The following EHMT2 variants were observed in gnomAD, a reference collection of about 807,000 sequenced individuals.
EHMT2 encodes euchromatic histone lysine methyltransferase 2.
Under a neutral mutation model 143.3 loss-of-function variants are expected in EHMT2, and 59 were observed. The observed-to-expected ratio is 0.41, with a 90% confidence interval of 0.33 to 0.51. EHMT2 has a LOEUF of 0.51. Among genes scored for constraint, EHMT2 ranks in the 20% least tolerant of loss-of-function variants. The pLI, the probability that EHMT2 is intolerant of heterozygous loss-of-function variation, is 0.18. For synonymous variants in EHMT2, 604 were observed against 651.5 expected (o/e 0.93, Z 1.11); for missense variants, 1,174 against 1,645.9 (o/e 0.71, Z 4.96).
chr6:31,884,168 A>G lies in EHMT2; in HGVS notation c.2772-218T>C, dbSNP rs577224260. ...ATTACACAGGACATTCTCACACTAA[A>G]AAAGTATGCATCTGTGCATCTGAAA... On this transcript the variant is annotated intron_variant, in intron 21 of 27. Transcript: ENST00000375537. This position sits in a 1 kb window ranked among gnomAD's most constrained non-coding sequence, Gnocchi z 7.3. 1.7e-5 allele frequency: 12 copies of G among 702,098 alleles called. No individual in the cohort carries two copies. Among genetic ancestry groups the G allele is most frequent in the Admixed American group, 3.0e-5 (1 of 33,840 alleles). 43.5% of individuals were successfully genotyped at this position (702,098 alleles called of 1,614,324 possible).
rs931048532 is a variant in EHMT2, at chr6:31,889,880, T to C, written c.865-278A>G. ...GTACCAGAAGATAAACATACTTTGA[T>C]ACCCCTTTTATGATGTTCATAAACA... On this transcript the variant is annotated intron_variant, in intron 7 of 27. Coordinates refer to ENST00000375537, the Ensembl canonical transcript of EHMT2. The surrounding 1 kb of genome is among the most constrained non-coding windows in gnomAD (Gnocchi z 5.1). 3.3e-5 allele frequency among the ~76,000 whole-genome samples: 5 copies of C among 152,226 alleles called. No homozygotes were observed. Among genetic ancestry groups the C allele is most frequent in the South Asian group, 2.1e-4 (1 of 4,834 alleles).
Position 31,888,977 on chromosome 6 carries a change from T to C in EHMT2, c.1208A>G (p.Asn403Ser), listed in dbSNP as rs765174769. Reference sequence around the variant, plus strand: ...CGGCAATTGGCAATTACCAGCGTGGTTGGGGGAGAGGGTCCCCTCGCTGGG... The same window carrying C: ...CGGCAATTGGCAATTACCAGCGTGGCTGGGGGAGAGGGTCCCCTCGCTGGG... Residue 403 changes from asparagine to serine, a missense_variant, in exon 10 of 28, where the codon AAC becomes AGC. Transcript: ENST00000375537. This position sits in a 1 kb window ranked among gnomAD's most constrained non-coding sequence, Gnocchi z 7.4. 38 of 1,598,448 alleles carry C rather than the reference T, an allele frequency of 2.4e-5. No individual in the cohort carries two copies. The highest frequency in any genetic ancestry group is 2.9e-5 in the Non-Finnish European group (34 of 1,174,412).
In EHMT2 at chr6:31,896,834, A is replaced by T; in HGVS notation, c.110-10T>A. The T allele has an allele frequency of 6.2e-7, 1 of 1,612,742 alleles. No individual in the cohort carries two copies. Among genetic ancestry groups the T allele is most frequent in the Non-Finnish European group, 8.5e-7 (1 of 1,179,964 alleles). ...CCCAAAGAGCCATGAACTGTAGAGG[A>T]AGAGAAAAAGTTCAGAGCTAAGGGC... is the stretch of plus-strand genomic sequence containing the variant. On this transcript the variant is annotated splice_polypyrimidine_tract_variant and intron_variant, in intron 2 of 27. Transcript: ENST00000375537.
intron 4 of EHMT2, among the ~76,000 whole-genome samples, chr6:31,893,861 TTA>T (rs1308291161): frequency 6.6e-6 from 1 of 152,082 alleles, no homozygotes; most frequent in Admixed American, 6.5e-5. Flanking sequence ...GAATGGAGAG[TTA>T]TGTTTTAATG....
Position 31,881,685 on chromosome 6 carries a change from T to C in EHMT2, c.3198-593A>G. 1 of 162,660 alleles carries C rather than the reference T, an allele frequency of 6.1e-6. No homozygotes were observed. Among genetic ancestry groups the C allele is most frequent in the Non-Finnish European group, 1.4e-5 (1 of 73,406 alleles). The allele number at this position is 162,660 out of a possible 1,614,324, so 10.1% of individuals were successfully genotyped here. A position where few individuals can be genotyped will look rare whatever the true frequency, so the allele number is the denominator to read the frequency against. On this transcript the variant is annotated intron_variant, in intron 25 of 27. Coordinates refer to ENST00000375537, the Ensembl canonical transcript of EHMT2. The surrounding 1 kb of genome is among the most constrained non-coding windows in gnomAD (Gnocchi z 4.8). Reference sequence around the variant, plus strand: ...TTGGCAGGGACAGGCAGTGAGTGGATGGTGGGGAAACTGAGGCCCAGCAGG... The same window carrying C: ...TTGGCAGGGACAGGCAGTGAGTGGACGGTGGGGAAACTGAGGCCCAGCAGG...
Position 31,883,226 on chromosome 6 carries a change from G to C in EHMT2, c.2994+136C>G. 2 of 996,754 alleles carry C rather than the reference G, an allele frequency of 2.0e-6. No homozygotes were observed. Among genetic ancestry groups the C allele is most frequent in the African/African-American group, 1.6e-5 (1 of 62,308 alleles). The allele number at this position is 996,754 out of a possible 1,614,324, so 61.7% of individuals were successfully genotyped here. On this transcript the variant is annotated intron_variant, in intron 23 of 27. Transcript: ENST00000375537. This position sits in a 1 kb window ranked among gnomAD's most constrained non-coding sequence, Gnocchi z 5.6. The stretch of plus-strand genomic sequence containing the variant: ...CCCAGCCACATCCCAGGATTCCCAG[G>C]CCTTGCCCAGTCCTCTCAGTCACTT...
chr6:31,893,091 A>T (rs1311127861), intron 4 of EHMT2, 181 bp from the exon 5 acceptor site: 1 of 575,872 alleles, frequency 1.7e-6, no homozygotes, highest in Non-Finnish European at 3.1e-6. Flanking sequence ...TGTCAAGCAC[A>T]CTAACACTCA....
chr6:31,880,013 G>A lies in EHMT2; in HGVS notation c.*71C>T. The A allele has an allele frequency of 3.9e-6, 6 of 1,541,172 alleles. No homozygotes were observed. The highest frequency in any genetic ancestry group is 1.2e-5 in the South Asian group (1 of 86,690). ...GGCAGCACCCCCAGGCATGGGCTGCGAGCAGCTGGTGGCAGAGGAGGCGGC... is the reference window on the plus strand; with the variant it reads ...GGCAGCACCCCCAGGCATGGGCTGCAAGCAGCTGGTGGCAGAGGAGGCGGC... On this transcript the variant is annotated 3_prime_UTR_variant, in exon 28 of 28. Coordinates refer to ENST00000375537, the Ensembl canonical transcript of EHMT2. This position sits in a 1 kb window ranked among gnomAD's most constrained non-coding sequence, Gnocchi z 6.6.
chr6:31,893,318 G>A (rs1160950795), intron 4 of EHMT2: 3 of 442,344 alleles, frequency 6.8e-6, no homozygotes, highest in East Asian at 6.5e-5. Flanking sequence ...GCCATAAAAA[G>A]GAAAGATATA....
intron 1 of EHMT2, chr6:31,897,301 C>A: frequency 1.4e-6 from 1 of 690,764 alleles, no homozygotes; most frequent in Non-Finnish European, 2.0e-6. Context: ...CCTTTGTCCC[C>A]CAGGCCGCGG....
At position 31,884,335 on chromosome 6, in the gene EHMT2, G is replaced by A. The variant is rs1241027919; in HGVS notation, c.2771+57C>T. ...GTTGTGAGGATGCAATGGAGCCTGG[G>A]GAGGGTATGGGTGGGGAGGAGGTGG... On this transcript the variant is annotated intron_variant, in intron 21 of 27. Transcript: ENST00000375537. This position sits in a 1 kb window ranked among gnomAD's most constrained non-coding sequence, Gnocchi z 7.3. 8 of 1,556,384 alleles carry A rather than the reference G, an allele frequency of 5.1e-6. No homozygotes were observed. In the South Asian group the frequency reaches 7.1e-5, roughly 14 times the overall value.
chr6:31,889,219 C>A lies in EHMT2; in HGVS notation c.1114+9G>T, dbSNP rs769956727. 1 of 1,598,730 alleles carries A rather than the reference C, an allele frequency of 6.3e-7. No individual in the cohort carries two copies. The highest frequency in any genetic ancestry group is 1.1e-5 in the South Asian group (1 of 89,598). On this transcript the variant is annotated intron_variant, in intron 9 of 27. Transcript: ENST00000375537. The surrounding 1 kb of genome is among the most constrained non-coding windows in gnomAD (Gnocchi z 5.1). ...TGGAGGGCACCCAAAAGCAGCAGAG[C>A]CTCCTCACCTCGTGGCTCCTTGGCC...
intron 1 of EHMT2, chr6:31,897,339 C>T (rs1172831701): frequency 2.1e-6 from 1 of 480,522 alleles, no homozygotes; most frequent in East Asian, 3.6e-5. Flanking sequence ...CCCTCCAGCA[C>T]CCGCTGCCCC....
intron 7 of EHMT2, 132 bp downstream of exon 7, chr6:31,892,275 G>T: frequency 9.6e-7 from 1 of 1,037,316 alleles, no homozygotes; most frequent in Non-Finnish European, 1.4e-6. Flanking sequence ...AGACAGCATG[G>T]GGCAATGACT....
In EHMT2 at chr6:31,880,131, G is replaced by C; in HGVS notation, c.3586C>G (p.Pro1196Ala). 1 of 1,612,972 alleles carries C rather than the reference G, an allele frequency of 6.2e-7. No homozygotes were observed. The highest frequency in any genetic ancestry group is 8.5e-7 in the Non-Finnish European group (1 of 1,180,004). The change falls in exon 28 of 28, where the codon CCT becomes GCT. Residue 1196 changes from proline to alanine, a missense_variant. Pro to Ala is a conservative substitution (Grantham distance 27). This residue lies in a region of EHMT2 where 42 missense variants were observed against 45.1 expected (regional missense o/e 0.93). Coordinates refer to ENST00000375537, the Ensembl canonical transcript of EHMT2. The surrounding 1 kb of genome is among the most constrained non-coding windows in gnomAD (Gnocchi z 6.6). ...GAGCCGAGCTCGGGCAGCAGCTCAG[G>C]GTGTGGGTCCAGGCGGGCCAGACGG...
chr6:31,894,188 C>T (rs1415105895), intron 4 of EHMT2, among the ~76,000 whole-genome samples: 1 of 151,508 alleles, frequency 6.6e-6, no homozygotes, highest in Admixed American at 6.6e-5. Context: ...CTCTTGTTGT[C>T]CAGGCTGGAG....
In EHMT2 at chr6:31,887,951, G is replaced by A. The variant is rs150547961; in HGVS notation, c.1756C>T (p.Arg586Ter). 9 of 1,593,540 alleles carry A rather than the reference G, an allele frequency of 5.6e-6. No homozygotes were observed. Among genetic ancestry groups the A allele is most frequent in the Non-Finnish European group, 7.7e-6 (9 of 1,168,624 alleles). Residue 586 changes from arginine to a stop codon, truncating the protein, a stop_gained, in exon 14 of 28, where the codon CGA becomes TGA. Coordinates refer to ENST00000375537, the Ensembl canonical transcript of EHMT2. LOFTEE classifies it high-confidence loss of function. ...GGGCGCCGGGGTTCCCCATGCCCTC[G>A]CATCCGGGCACTGTGGAAGAAGGAG... is the stretch of plus-strand genomic sequence containing the variant.
chr6:31,885,031 G>C lies in EHMT2; in HGVS notation c.2344-15C>G. On this transcript the variant is annotated splice_polypyrimidine_tract_variant and intron_variant, in intron 18 of 27. Coordinates refer to ENST00000375537, the Ensembl canonical transcript of EHMT2. ...CCCCCACTGTCCTGTGGGTGGGAAG[G>C]GAGTGAGGGTGGGGGCAGCTGGCCC... is the stretch of plus-strand genomic sequence containing the variant. 1 of 1,595,430 alleles carries C rather than the reference G, an allele frequency of 6.3e-7. No individual in the cohort carries two copies. The highest frequency in any genetic ancestry group is 8.6e-7 in the Non-Finnish European group (1 of 1,167,092).
chr6:31,888,947 T>C lies in EHMT2; in HGVS notation c.1216+22A>G. The stretch of plus-strand genomic sequence containing the variant: ...CTGAGGTCGCCCCCTAGTGGCTCCC[T>C]GTCCCGGCAATTGGCAATTACCAGC... On this transcript the variant is annotated intron_variant, in intron 10 of 27. Transcript: ENST00000375537. The surrounding 1 kb of genome is among the most constrained non-coding windows in gnomAD (Gnocchi z 7.4). 1.3e-6 allele frequency: 2 copies of C among 1,583,442 alleles called. No homozygotes were observed. The highest frequency in any genetic ancestry group is 1.7e-6 in the Non-Finnish European group (2 of 1,165,300).
Sources: gnomAD v4.1 joint callset for allele counts (sites outside exome capture counted in the v4.1 genomes callset) on GRCh38, gnomAD v4.1.1 for gene constraint, gnomAD v4.1.1 regional missense constraint, Gnocchi (gnomAD v3.1) non-coding constraint, MANE v1.5 for transcripts, NCBI Gene and HGNC (gene_info 2026-07-23, HGNC 2026-07-21) for gene names.